The following LSM12 variants were observed in gnomAD, a reference collection of about 807,000 sequenced individuals.
LSM12 encodes the protein protein LSM12.
For missense variants in LSM12, 108 were observed against 238.9 expected (o/e 0.45, Z 3.61); for synonymous variants, 74 against 87.3 (o/e 0.85, Z 0.85).
Position 44,050,883 on chromosome 17 carries a change from C to T in LSM12, c.259-10627G>A, listed in dbSNP as rs924633970. 2.6e-5 allele frequency among the ~76,000 whole-genome samples: 4 copies of T among 152,288 alleles called. No homozygotes were observed. In the South Asian group the frequency reaches 8.3e-4, roughly 32 times the overall value. The stretch of plus-strand genomic sequence containing the variant: ...GGCATGGTAGCTCACAACTGTAACT[C>T]CAGCACTTTGGGAGATAGGCGGGTG... On this transcript the variant is annotated intron_variant, in intron 2 of 4. Coordinates refer to ENST00000293406, the MANE Select transcript of LSM12 (RefSeq NM_001371445.1).
At chr17:44,040,105 A>T (rs749824186) in intron 3 of LSM12, 42 bp downstream of exon 3, 2 of 1,453,570 alleles carry the variant, frequency 1.4e-6, no homozygotes, top group Middle Eastern at 4.6e-4. Flanking sequence ...ACAACCAGGT[A>T]GCATTACCCC....
intron 2 of LSM12, among the ~76,000 whole-genome samples, chr17:44,047,971 C>T (rs1336596834): frequency 6.7e-6 from 1 of 148,546 alleles, no homozygotes; most frequent in African/African-American, 2.5e-5. Context: ...ATCACTTGAG[C>T]CAGGGGTTCA....
chr17:44,041,757 C>T (rs2144074279), intron 2 of LSM12, among the ~76,000 whole-genome samples: 1 of 152,218 alleles, frequency 6.6e-6, no homozygotes, highest in East Asian at 1.9e-4. Context: ...CCCCACACTA[C>T]TGGTTGCTAG....
chr17:44,039,140 C>T (rs957076945), intron 3 of LSM12, among the ~76,000 whole-genome samples: 3 of 152,124 alleles, frequency 2.0e-5, no homozygotes, highest in Admixed American at 1.3e-4. Flanking sequence ...CCACAACCTC[C>T]ACCTCCAGGG....
At chr17:44,051,087 C>A (rs1022098730) in intron 2 of LSM12, among the ~76,000 whole-genome samples, 10 of 152,088 alleles carry the variant, frequency 6.6e-5, no homozygotes, top group African/African-American at 2.4e-4. Context: ...TCTTGGCCAA[C>A]ATAGTGAAAC....
At chr17:44,064,013 C>T in intron 1 of LSM12, 79 bp from the exon 2 acceptor site, 2 of 1,507,422 alleles carry the variant, frequency 1.3e-6, no homozygotes, top group South Asian at 1.2e-5. Flanking sequence ...ATAGAAAACA[C>T]GATTCACACA....
rs1210299066 is a variant in LSM12 at position 44,051,234 on chromosome 17, G to A, written c.259-10978C>T. Among the ~76,000 whole-genome samples the A allele has an allele frequency of 7.2e-5, 11 of 151,812 alleles. No individual in the cohort carries two copies. In the South Asian group the frequency reaches 1.7e-3, roughly 23 times the overall value. ...AGCCTGGCCAATATGGTAAAACCCCGTCTCTACTAAAAATTAGCCAGGCGT... is the reference window on the plus strand; with the variant it reads ...AGCCTGGCCAATATGGTAAAACCCCATCTCTACTAAAAATTAGCCAGGCGT... On this transcript the variant is annotated intron_variant, in intron 2 of 4. Coordinates refer to ENST00000293406, the MANE Select transcript of LSM12 (RefSeq NM_001371445.1).
intron 2 of LSM12, among the ~76,000 whole-genome samples, chr17:44,058,441 C>A (rs766264088): frequency 1.2e-4 from 18 of 151,942 alleles, no homozygotes; most frequent in Non-Finnish European, 2.1e-4. Context: ...GTGGCTCATA[C>A]CTGTAATTCG....
At chr17:44,066,006 C>T (rs1243003667) in intron 1 of LSM12, among the ~76,000 whole-genome samples, 9 of 152,108 alleles carry the variant, frequency 5.9e-5, no homozygotes, top group South Asian at 2.1e-4. Flanking sequence ...TGGACGAAAT[C>T]CCATCAGTGC....
rs182610351 is a variant in LSM12, at chr17:44,046,193, C to G, written c.259-5937G>C. On this transcript the variant is annotated intron_variant, in intron 2 of 4. Coordinates refer to ENST00000293406, the MANE Select transcript of LSM12 (RefSeq NM_001371445.1). ...CTCATGATCCGCCCGCCTCGGCCTC[C>G]CAAAGTGCTGGGATTACAGGTGTGA... 4.6e-3 allele frequency among the ~76,000 whole-genome samples: 696 copies of G among 151,634 alleles called. 7 individuals are homozygous for G. Among genetic ancestry groups the G allele is most frequent in the Non-Finnish European group, 4.5e-3 (304 of 67,872 alleles).
chr17:44,051,791 T>C (rs116730927), intron 2 of LSM12, among the ~76,000 whole-genome samples: 2,196 of 151,700 alleles, frequency 0.014, 55 homozygotes, highest in African/African-American at 0.051. Context: ...CTGGGCAACA[T>C]AGCAAGGCCC....
chr17:44,054,393 C>G (rs2049683848), intron 2 of LSM12, among the ~76,000 whole-genome samples: 1 of 152,168 alleles, frequency 6.6e-6, no homozygotes, highest in Non-Finnish European at 1.5e-5. Context: ...CTCACTGCAG[C>G]CTTGACCTTC....
intron 2 of LSM12, among the ~76,000 whole-genome samples, chr17:44,058,531 G>GT (rs895754395): frequency 2.6e-5 from 4 of 151,632 alleles, no homozygotes; most frequent in African/African-American, 9.7e-5. Flanking sequence ...GTAAGACCCT[G>GT]TCTCTACAAA....
rs57974319 is a variant in LSM12, at chr17:44,051,389, C to CAAAA, written c.259-11137_259-11134dup. The stretch of plus-strand genomic sequence containing the variant: ...CTGGCGACAGAGCGAGACTCCGTCT[C>CAAAA]AAAAAAAAAAAAAAAAAAAAAAAAA... On this transcript the variant is annotated intron_variant, in intron 2 of 4. Transcript: ENST00000293406. Among the ~76,000 whole-genome samples, 500 of 114,900 alleles carry CAAAA rather than the reference C, an allele frequency of 4.4e-3. 14 individuals carry two copies. The highest frequency in any genetic ancestry group is 0.019 in the African/African-American group (462 of 24,636). The allele number at this position is 114,900 out of a possible 152,430, so 75.4% of individuals were successfully genotyped here. A position where few individuals can be genotyped will look rare whatever the true frequency, so the allele number is the denominator to read the frequency against.
At chr17:44,063,972 A>G (rs1222829772) in intron 1 of LSM12, 38 bp from the exon 2 acceptor site, 2 of 1,606,810 alleles carry the variant, frequency 1.2e-6, no homozygotes, top group Non-Finnish European at 1.7e-6. Flanking sequence ...AAATAGGACA[A>G]GCAGAGGCAC....
At chr17:44,037,268 T>G (rs1201395296) in intron 4 of LSM12, 144 bp downstream of exon 4, 1 of 1,005,204 alleles carries the variant, frequency 9.9e-7, no homozygotes, top group African/African-American at 1.7e-5. Context: ...AACCCCACAG[T>G]ACAGGGAAGG....
rs146777663 is a variant in LSM12, at chr17:44,056,864, G to A, written c.258+6937C>T. Among the ~76,000 whole-genome samples the A allele has an allele frequency of 7.2e-5, 11 of 152,146 alleles. 1 individual carries two copies. The East Asian group carries it at 2.2e-3, about 30-fold the overall frequency. On this transcript the variant is annotated intron_variant, in intron 2 of 4. Coordinates refer to ENST00000293406, the MANE Select transcript of LSM12 (RefSeq NM_001371445.1). ...AAATTAGCCAGGTGGGGTGGCACAT[G>A]CCTGTAATCCCAGCTACTTGGGAGG... is the stretch of plus-strand genomic sequence containing the variant.
At chr17:44,053,833 T>A (rs1321379491) in intron 2 of LSM12, among the ~76,000 whole-genome samples, 1 of 152,166 alleles carries the variant, frequency 6.6e-6, no homozygotes, top group Non-Finnish European at 1.5e-5. Context: ...AAAATTCCAT[T>A]GCCAGAATTT....
intron 2 of LSM12, among the ~76,000 whole-genome samples, chr17:44,041,290 A>AC (rs1460940948): frequency 2.3e-4 from 25 of 110,398 alleles, no homozygotes; most frequent in African/African-American, 8.2e-4. Flanking sequence ...AAAAAAAACA[A>AC]ACACACACAC....
Sources: allele counts gnomAD v4.1 joint callset (sites outside exome capture counted in the v4.1 genomes callset), GRCh38; gene constraint gnomAD v4.1.1; transcripts MANE v1.5; gene names NCBI Gene and HGNC (gene_info 2026-07-23, HGNC 2026-07-21).